The following CCDC85C variants were observed in gnomAD, a reference collection of about 807,000 sequenced individuals.
CCDC85C encodes the protein coiled-coil domain-containing protein 85C.
In CCDC85C, 18 loss-of-function variants were observed where a neutral mutation model predicts 38.3. The observed-to-expected ratio is 0.47, with a 90% CI of 0.33 to 0.70. The LOEUF is 0.70. Ranked by LOEUF, CCDC85C falls within the 30% of genes least tolerant of loss-of-function variation. CCDC85C has a pLI of 0.03. For missense variants in CCDC85C, 566 were observed against 621.2 expected (o/e 0.91, Z 0.94); for synonymous variants, 264 against 293.8 (o/e 0.90, Z 1.04).
intron 1 of CCDC85C, among the ~76,000 whole-genome samples, chr14:99,577,917 AGT>A (rs368902066): frequency 0.069 from 7,993 of 116,350 alleles, 513 homozygotes; most frequent in African/African-American, 0.19. Flanking sequence ...ATCCCCCATC[AGT>A]GTGTGTGTGT....
At chr14:99,573,815 C>A (rs1021786509) in intron 1 of CCDC85C, among the ~76,000 whole-genome samples, 1 of 152,190 alleles carries the variant, frequency 6.6e-6, no homozygotes, top group East Asian at 1.9e-4. Context: ...AATCCCTCTG[C>A]CCCTGCCCTG....
intron 1 of CCDC85C, among the ~76,000 whole-genome samples, chr14:99,575,594 G>T (rs902165776): frequency 6.6e-6 from 1 of 152,220 alleles, no homozygotes; most frequent in Non-Finnish European, 1.5e-5. Flanking sequence ...CAACAGGGTG[G>T]CAGCCCTGTA....
In CCDC85C at chr14:99,580,652, G is replaced by A. The variant is rs574899397; in HGVS notation, c.793+22515C>T. On this transcript the variant is annotated intron_variant, in intron 1 of 5. Coordinates refer to ENST00000380243, the MANE Select transcript of CCDC85C (RefSeq NM_001144995.2). ...GGCCAAGGTGTGTGGCTCATTTGACGTCAGGAGTTCAAGACCAGCCTGGCC... is the reference window on the plus strand; with the variant it reads ...GGCCAAGGTGTGTGGCTCATTTGACATCAGGAGTTCAAGACCAGCCTGGCC... Among the ~76,000 whole-genome samples, 17 of 152,156 alleles carry A rather than the reference G, an allele frequency of 1.1e-4. 1 individual carries two copies. The highest frequency in any genetic ancestry group is 3.9e-4 in the African/African-American group (16 of 41,518).
intron 3 of CCDC85C, among the ~76,000 whole-genome samples, chr14:99,517,702 T>G (rs1336638758): frequency 1.3e-5 from 2 of 152,150 alleles, no homozygotes; most frequent in Non-Finnish European, 2.9e-5. Context: ...GCGGGATGAA[T>G]TGGCTGCCAG....
intron 1 of CCDC85C, among the ~76,000 whole-genome samples, chr14:99,580,800 G>T (rs895683224): frequency 4.6e-5 from 7 of 152,162 alleles, no homozygotes; most frequent in African/African-American, 1.4e-4. Context: ...GGGAGGCAGA[G>T]GTTGCAGTGA....
rs1423228098 is a variant in CCDC85C at position 99,603,409 on chromosome 14, G to A, written c.551C>T (p.Ala184Val). The change falls in exon 1 of 6, where the codon GCC becomes GTC. Residue 184 changes from alanine to valine, a missense_variant. Ala to Val is a moderately conservative substitution (Grantham distance 64). This residue lies in a region of CCDC85C where 269 missense variants were observed against 308.2 expected (regional missense o/e 0.87). Coordinates refer to ENST00000380243, the MANE Select transcript of CCDC85C (RefSeq NM_001144995.2). This position sits in a 1 kb window ranked among gnomAD's most constrained non-coding sequence, Gnocchi z 7.5. Reference sequence around the variant, plus strand: ...ACCCGACAGCGGCCCGCTCAGGCTGGCCTGGCTGTCGATGGAGCTGCGGGA... The same window carrying A: ...ACCCGACAGCGGCCCGCTCAGGCTGACCTGGCTGTCGATGGAGCTGCGGGA... ...AGSRSSIDSQASLSGPLSGGA... is the reference protein window; with the variant it reads ...AGSRSSIDSQVSLSGPLSGGA... 1.6e-6 allele frequency: 2 copies of A among 1,268,068 alleles called. No individual in the cohort carries two copies. Among genetic ancestry groups the A allele is most frequent in the African/African-American group, 1.6e-5 (1 of 63,514 alleles). The allele number at this position is 1,268,068 out of a possible 1,614,324, so 78.6% of individuals were successfully genotyped here.
Position 99,502,868 on chromosome 14 carries a change from C to T in CCDC85C, c.*12378G>A. ...GTCACAGCCGTCTCAAAGCTCCGAA[C>T]CATCCCAGCCCCAGCAGAAGGACCC... On this transcript the variant is annotated 3_prime_UTR_variant, in exon 6 of 6. Coordinates refer to ENST00000380243, the MANE Select transcript of CCDC85C (RefSeq NM_001144995.2). 1 of 1,613,060 alleles carries T rather than the reference C, an allele frequency of 6.2e-7. No individual in the cohort carries two copies. The highest frequency in any genetic ancestry group is 8.5e-7 in the Non-Finnish European group (1 of 1,179,354).
chr14:99,590,890 G>T lies in CCDC85C; in HGVS notation c.793+12277C>A, dbSNP rs547953314. Among the ~76,000 whole-genome samples the T allele has an allele frequency of 4.6e-5, 7 of 152,360 alleles. No individual in the cohort carries two copies. The South Asian group carries it at 1.4e-3, about 32-fold the overall frequency. ...AAGCACCACAAGGCTGCAGTGAGCA[G>T]GGGCCAAGCCCAGAGTCAGAGCCTC... On this transcript the variant is annotated intron_variant, in intron 1 of 5. Coordinates refer to ENST00000380243, the MANE Select transcript of CCDC85C (RefSeq NM_001144995.2).
At position 99,510,144 on chromosome 14, in the gene CCDC85C, C is replaced by A; in HGVS notation, c.*5102G>T. On this transcript the variant is annotated 3_prime_UTR_variant, in exon 6 of 6. Coordinates refer to ENST00000380243, the MANE Select transcript of CCDC85C (RefSeq NM_001144995.2). The stretch of plus-strand genomic sequence containing the variant: ...TGGCGGAGGCCGGGCACTGATGCGT[C>A]TCTCTCCTGCAGACCGGAAGCCTCC... 1 of 1,590,298 alleles carries A rather than the reference C, an allele frequency of 6.3e-7. No individual in the cohort carries two copies.
chr14:99,501,084 G>A lies in CCDC85C; in HGVS notation c.*14162C>T. On this transcript the variant is annotated 3_prime_UTR_variant, in exon 6 of 6. Coordinates refer to ENST00000380243, the MANE Select transcript of CCDC85C (RefSeq NM_001144995.2). ...TCTGTCATCCAGTTGCCAAGTGATG[G>A]GAGAGGCAGGAAAATGAGGCAGAAT... The A allele has an allele frequency of 1.7e-6, 1 of 600,750 alleles. No individual in the cohort carries two copies. Among genetic ancestry groups the A allele is most frequent in the Non-Finnish European group, 2.9e-6 (1 of 342,626 alleles). The allele number at this position is 600,750 out of a possible 1,614,324, so 37.2% of individuals were successfully genotyped here.
intron 1 of CCDC85C, among the ~76,000 whole-genome samples, chr14:99,596,494 T>C (rs753809022): frequency 1.3e-5 from 2 of 152,228 alleles, no homozygotes; most frequent in Non-Finnish European, 2.9e-5. Flanking sequence ...AATCCTGATC[T>C]TTCTGCTCTG....
At chr14:99,600,389 C>T (rs1201181063) in intron 1 of CCDC85C, among the ~76,000 whole-genome samples, 1 of 152,212 alleles carries the variant, frequency 6.6e-6, no homozygotes, top group African/African-American at 2.4e-5. Context: ...CACCCTGAGC[C>T]TCTGGGTAAC....
intron 1 of CCDC85C, among the ~76,000 whole-genome samples, chr14:99,593,608 G>A (rs759553819): frequency 6.6e-5 from 10 of 152,252 alleles, no homozygotes; most frequent in East Asian, 1.9e-4. Context: ...ACAGGTCAGC[G>A]AGGGGGCAAC....
intron 1 of CCDC85C, among the ~76,000 whole-genome samples, chr14:99,595,319 G>A (rs1429150820): frequency 1.3e-5 from 2 of 152,166 alleles, no homozygotes; most frequent in South Asian, 2.1e-4. Flanking sequence ...GCAGTGGCGC[G>A]ATGGCTCACT....
intron 2 of CCDC85C, among the ~76,000 whole-genome samples, chr14:99,524,370 G>C (rs528274569): frequency 6.6e-6 from 1 of 151,730 alleles, no homozygotes; most frequent in African/African-American, 2.4e-5. Flanking sequence ...TCTGGCCCTC[G>C]ACCAAATGGG....
At chr14:99,563,653 C>T (rs1046179154) in intron 1 of CCDC85C, among the ~76,000 whole-genome samples, 1 of 152,220 alleles carries the variant, frequency 6.6e-6, no homozygotes, top group African/African-American at 2.4e-5. Flanking sequence ...ATGCTTCCCA[C>T]GAGGCGGGCA....
In CCDC85C at chr14:99,586,866, C is replaced by T. The variant is rs150846427; in HGVS notation, c.793+16301G>A. On this transcript the variant is annotated intron_variant, in intron 1 of 5. Transcript: ENST00000380243. Reference sequence around the variant, plus strand: ...CCAGAGGAAAGCCCTACCTATAGCACACCCCAAATCCCACCAGGCGGCCTC... The same window carrying T: ...CCAGAGGAAAGCCCTACCTATAGCATACCCCAAATCCCACCAGGCGGCCTC... Among the ~76,000 whole-genome samples the T allele has an allele frequency of 7.2e-5, 11 of 152,308 alleles. No individual in the cohort carries two copies. The East Asian group carries it at 1.9e-3, about 27-fold the overall frequency.
In CCDC85C at chr14:99,535,912, G is replaced by A; in HGVS notation, c.867+103C>T. On this transcript the variant is annotated intron_variant, in intron 2 of 5. Coordinates refer to ENST00000380243, the MANE Select transcript of CCDC85C (RefSeq NM_001144995.2). The surrounding 1 kb of genome is among the most constrained non-coding windows in gnomAD (Gnocchi z 5.5). ...GTGACAGGTGGCAGTGGGAGCAGTT[G>A]GGGGGACAGCCTAGGTCCCAAGGGG... The A allele has an allele frequency of 1.2e-6, 1 of 843,712 alleles. No individual in the cohort carries two copies. Among genetic ancestry groups the A allele is most frequent in the Non-Finnish European group, 1.9e-6 (1 of 518,634 alleles). 52.3% of individuals were successfully genotyped at this position (843,712 alleles called of 1,614,324 possible).
In CCDC85C at chr14:99,520,359, A is replaced by T. The variant is rs1285889373; in HGVS notation, c.975+1774T>A. 1.3e-5 allele frequency among the ~76,000 whole-genome samples: 2 copies of T among 151,764 alleles called. No homozygotes were observed. Among genetic ancestry groups the T allele is most frequent in the African/African-American group, 4.8e-5 (2 of 41,288 alleles). ...GCCCCTCCACAGCAGCCACTTCTCC[A>T]GGCTTCATCGGCCCCTCCCACGAGA... On this transcript the variant is annotated intron_variant, in intron 3 of 5. Transcript: ENST00000380243. The surrounding 1 kb of genome is among the most constrained non-coding windows in gnomAD (Gnocchi z 4.1).
Sources: allele counts gnomAD v4.1 joint callset (sites outside exome capture counted in the v4.1 genomes callset), GRCh38; gene constraint gnomAD v4.1.1; regional missense constraint gnomAD v4.1.1; non-coding constraint Gnocchi (gnomAD v3.1); transcripts MANE v1.5; gene names NCBI Gene and HGNC (gene_info 2026-07-23, HGNC 2026-07-21).